The following BAZ2B variants were observed in gnomAD, a reference collection of about 807,000 sequenced individuals.
BAZ2B encodes bromodomain adjacent to zinc finger domain protein 2B.
In BAZ2B, 91 loss-of-function variants were observed where a neutral mutation model predicts 246.0. That is an observed-to-expected ratio of 0.37 (90% CI 0.31 to 0.44). BAZ2B has a LOEUF of 0.44. Ranked by LOEUF, BAZ2B falls within the 20% of genes least tolerant of loss-of-function variation. The probability of loss-of-function intolerance (pLI) is 1.00; values close to 1 mark genes in which losing one functional copy is unlikely to be tolerated. For missense variants in BAZ2B, 2,332 were observed against 2,533.7 expected (o/e 0.92, Z 1.71); for synonymous variants, 855 against 860.0 (o/e 0.99, Z 0.10).
intron 18 of BAZ2B, chr2:159,398,272 A>T (rs1167859375): frequency 2.6e-5 from 4 of 152,202 alleles, no homozygotes; most frequent in Non-Finnish European, 5.9e-5. Context: ...ATCAGAACAA[A>T]ACACCCCCAA....
intron 31 of BAZ2B, among the ~76,000 whole-genome samples, chr2:159,344,406 T>G (rs570032563): frequency 2.0e-5 from 3 of 151,698 alleles, no homozygotes; most frequent in Non-Finnish European, 4.4e-5. Context: ...TGGTGGTGCA[T>G]GCCTGTAATC....
intron 1 of BAZ2B, among the ~76,000 whole-genome samples, chr2:159,606,810 C>T (rs1198728376): frequency 6.6e-6 from 1 of 151,948 alleles, no homozygotes; most frequent in African/African-American, 2.4e-5. Flanking sequence ...AGACTAACTA[C>T]TAAAATTTAT....
At position 159,556,049 on chromosome 2, in the gene BAZ2B, T is replaced by C. The variant is rs150167289; in HGVS notation, c.-45-184A>G. ...AAGCATAAAAGGACTGGAGTTTATT[T>C]ATAGATCATTATTTATTATAGTATG... is the stretch of plus-strand genomic sequence containing the variant. On this transcript the variant is annotated intron_variant, in intron 1 of 36. Transcript: ENST00000392783. Among the ~76,000 whole-genome samples, 31 of 152,336 alleles carry C rather than the reference T, an allele frequency of 2.0e-4. No homozygotes were observed. In the East Asian group the frequency reaches 5.4e-3, roughly 27 times the overall value.
At chr2:159,566,010 T>C (rs753126198) in intron 1 of BAZ2B, among the ~76,000 whole-genome samples, 20 of 152,180 alleles carry the variant, frequency 1.3e-4, no homozygotes, top group African/African-American at 3.4e-4. Context: ...CATAAAGCAA[T>C]GTTGACTTTT....
intron 6 of BAZ2B, among the ~76,000 whole-genome samples, chr2:159,443,773 C>T (rs2073845957): frequency 6.6e-6 from 1 of 152,064 alleles, no homozygotes; most frequent in Admixed American, 6.6e-5. Flanking sequence ...AAAGAGGTGC[C>T]TCTTTGAGTT....
rs1314826397 is a variant in BAZ2B at position 159,366,955 on chromosome 2, A to C, written c.4213+6090T>G. On this transcript the variant is annotated intron_variant, in intron 27 of 36. Coordinates refer to ENST00000392783, the MANE Select transcript of BAZ2B (RefSeq NM_013450.4). ...AAGGAATAAACCCTCAGTCTTAGCT[A>C]AATGGGCATGGGGGCTCTCTTCCTT... 2.6e-5 allele frequency among the ~76,000 whole-genome samples: 4 copies of C among 151,548 alleles called. No homozygotes were observed. In the East Asian group the frequency reaches 5.8e-4, roughly 22 times the overall value.
intron 25 of BAZ2B, 127 bp from the exon 26 acceptor site, chr2:159,374,880 C>A: frequency 2.7e-6 from 2 of 743,422 alleles, no homozygotes; most frequent in Non-Finnish European, 4.4e-6. Flanking sequence ...TTTCTATAAA[C>A]TAATAATCTG....
At chr2:159,329,552 C>A (rs1235162695) in intron 34 of BAZ2B, among the ~76,000 whole-genome samples, 1 of 152,054 alleles carries the variant, frequency 6.6e-6, no homozygotes, top group East Asian at 1.9e-4. Flanking sequence ...CACATACACG[C>A]AGAGTAAAAA....
chr2:159,597,242 GT>G (rs752646789), intron 1 of BAZ2B, among the ~76,000 whole-genome samples: 3 of 151,956 alleles, frequency 2.0e-5, no homozygotes, highest in Non-Finnish European at 2.9e-5. Flanking sequence ...TGATGGGATT[GT>G]TTTTTTCTTG....
the BAZ2B span, among the ~76,000 whole-genome samples, chr2:159,701,310 CAG>C: frequency 6.6e-6 from 1 of 152,030 alleles, no homozygotes; most frequent in South Asian, 2.1e-4. Context: ...TAGACACAAA[CAG>C]AATCTGTTCT....
chr2:159,469,613 A>G (rs995470349), intron 3 of BAZ2B, among the ~76,000 whole-genome samples: 4 of 151,534 alleles, frequency 2.6e-5, no homozygotes. Flanking sequence ...TTTTTTATAT[A>G]TATTTTTAGT....
chr2:159,692,403 C>T, the BAZ2B span, among the ~76,000 whole-genome samples: 1 of 152,154 alleles, frequency 6.6e-6, no homozygotes, highest in African/African-American at 2.4e-5. Flanking sequence ...GGTGATCTGT[C>T]CACCTCGGCC....
At chr2:159,410,311 T>C (rs2066615510) in intron 14 of BAZ2B, among the ~76,000 whole-genome samples, 1 of 152,242 alleles carries the variant, frequency 6.6e-6, no homozygotes, top group Admixed American at 6.5e-5. Context: ...ACTACCATAC[T>C]GATATGGTTT....
intron 2 of BAZ2B, among the ~76,000 whole-genome samples, chr2:159,553,009 T>C (rs1403468669): frequency 2.6e-5 from 4 of 152,146 alleles, no homozygotes; most frequent in African/African-American, 9.7e-5. Context: ...ATAGCATGAA[T>C]GTAAGTGTGG....
chr2:159,692,614 G>A, the BAZ2B span, among the ~76,000 whole-genome samples: 2 of 152,138 alleles, frequency 1.3e-5, no homozygotes, highest in Non-Finnish European at 2.9e-5. Context: ...TACTCAGGAG[G>A]CTGAGGCTGG....
At chr2:159,411,148 A>G (rs1456993169) in intron 14 of BAZ2B, among the ~76,000 whole-genome samples, 1 of 152,126 alleles carries the variant, frequency 6.6e-6, no homozygotes, top group Non-Finnish European at 1.5e-5. Context: ...CAGCCTCCAC[A>G]ATAGCTAAGA....
intron 1 of BAZ2B, among the ~76,000 whole-genome samples, chr2:159,597,986 AGACGT>A (rs972482948): frequency 7.1e-5 from 8 of 112,828 alleles, no homozygotes; most frequent in Non-Finnish European, 1.2e-4. Flanking sequence ...AAGACCACAT[AGACGT>A]ATTCTTTTTT....
the BAZ2B span, among the ~76,000 whole-genome samples, chr2:159,678,268 G>C: frequency 6.6e-6 from 1 of 152,078 alleles, no homozygotes; most frequent in Non-Finnish European, 1.5e-5. Context: ...AATAACTTGA[G>C]CAATTAAGTT....
intron 2 of BAZ2B, among the ~76,000 whole-genome samples, chr2:159,555,151 G>T (rs1301093544): frequency 8.0e-5 from 12 of 149,650 alleles, no homozygotes; most frequent in African/African-American, 2.7e-4. Context: ...GAGGGCAGTG[G>T]CACAATCTCA....
Sources: allele counts gnomAD v4.1 joint callset (sites outside exome capture counted in the v4.1 genomes callset), GRCh38; gene constraint gnomAD v4.1.1; transcripts MANE v1.5; gene names NCBI Gene and HGNC (gene_info 2026-07-23, HGNC 2026-07-21).